MAP4K1: variants seen among roughly 807,000 people sequenced by gnomAD.
MAP4K1 encodes the protein mitogen-activated protein kinase kinase kinase kinase 1, also known as MAPK/ERK kinase kinase kinase 1.
In MAP4K1, 35 loss-of-function variants were observed where a neutral mutation model predicts 122.8. The ratio of observed to expected loss-of-function variants is 0.29; its 90% confidence interval spans 0.22 to 0.38. The LOEUF (loss-of-function observed/expected upper bound fraction) is 0.38, where lower values mean the gene tolerates loss of function less well. Among genes scored for constraint, MAP4K1 ranks in the 10% least tolerant of loss-of-function variants. MAP4K1 has a pLI of 1.00. For missense variants in MAP4K1, 791 were observed against 1,072.6 expected (o/e 0.74, Z 3.67); for synonymous variants, 412 against 421.3 (o/e 0.98, Z 0.27).
chr19:38,596,017 G>A lies in MAP4K1; in HGVS notation c.2117-16C>T. 6.2e-7 allele frequency: 1 copy of A among 1,613,122 alleles called. No homozygotes were observed. The highest frequency in any genetic ancestry group is 8.5e-7 in the Non-Finnish European group (1 of 1,179,362). ...CCCCTGTGCTCTGTTTGGGGGGAGT[G>A]GGTTAAGGATTGACCCCACCCCATT... On this transcript the variant is annotated splice_polypyrimidine_tract_variant and intron_variant, in intron 26 of 30. Transcript: ENST00000396857.
In MAP4K1 at chr19:38,593,928, A is replaced by G. The variant is rs77270842; in HGVS notation, c.2341-591T>C. Among the ~76,000 whole-genome samples, 1,226 of 152,300 alleles carry G rather than the reference A, an allele frequency of 8.0e-3. 32 individuals carry two copies. The highest frequency in any genetic ancestry group is 0.06 in the East Asian group (309 of 5,178). On this transcript the variant is annotated intron_variant, in intron 29 of 30. Transcript: ENST00000396857. Reference sequence around the variant, plus strand: ...TGAGCAAAAATAAATAAATAAAAATACTAAAGTGTAAGGGCAAAGTCTGAC... The same window carrying G: ...TGAGCAAAAATAAATAAATAAAAATGCTAAAGTGTAAGGGCAAAGTCTGAC...
chr19:38,601,340 C>T, intron 20 of MAP4K1, 101 bp downstream of exon 20: 1 of 1,061,888 alleles, frequency 9.4e-7, no homozygotes, highest in Non-Finnish European at 1.4e-6. Context: ...CCATTAAGCT[C>T]CTCCCCGTCC....
chr19:38,605,782 G>C (rs1194338220), intron 17 of MAP4K1, 52 bp from the exon 18 acceptor site: 3 of 1,554,728 alleles, frequency 1.9e-6, no homozygotes, highest in Non-Finnish European at 2.6e-6. Context: ...ATCTCAGAGA[G>C]GGCACCCTTT....
chr19:38,614,271 G>C lies in MAP4K1; in HGVS notation c.391C>G (p.Gln131Glu). Residue 131 changes from glutamine to glutamate, a missense_variant, in exon 6 of 31, where the codon CAG (glutamine) becomes GAG (glutamate). Gln to Glu is a conservative substitution (Grantham distance 29). This residue lies in a region of MAP4K1 where 163 missense variants were observed against 286.1 expected (regional missense o/e 0.57). Coordinates refer to ENST00000396857, the MANE Select transcript of MAP4K1 (RefSeq NM_001042600.3). ...VLQGLAYLHSQKKIHRDIKGA... is the reference protein window; with the variant it reads ...VLQGLAYLHSEKKIHRDIKGA... Reference sequence around the variant, plus strand: ...TTGATGTCCCTGTGTATCTTCTTCTGTGAGTGCAAATAGGCCAGTCCCTGG... The same window carrying C: ...TTGATGTCCCTGTGTATCTTCTTCTCTGAGTGCAAATAGGCCAGTCCCTGG... The C allele has an allele frequency of 6.2e-7, 1 of 1,614,020 alleles. No individual in the cohort carries two copies. The highest frequency in any genetic ancestry group is 8.5e-7 in the Non-Finnish European group (1 of 1,179,992).
chr19:38,598,201 T>G (rs1476328141), intron 22 of MAP4K1, among the ~76,000 whole-genome samples: 2 of 151,920 alleles, frequency 1.3e-5, no homozygotes, highest in Non-Finnish European at 2.9e-5. Flanking sequence ...TGGATAATTT[T>G]TGTATTTTTA....
intron 19 of MAP4K1, among the ~76,000 whole-genome samples, chr19:38,602,891 C>T (rs1975152306): frequency 6.8e-6 from 1 of 148,036 alleles, no homozygotes; most frequent in Non-Finnish European, 1.5e-5. Flanking sequence ...CTTATATACA[C>T]ATGTACATAT....
intron 19 of MAP4K1, among the ~76,000 whole-genome samples, chr19:38,603,971 G>A (rs138635186): frequency 0.065 from 9,589 of 147,640 alleles, 374 homozygotes; most frequent in South Asian, 0.14. Flanking sequence ...GCGACAGAGT[G>A]AGACTCCATC....
At chr19:38,590,235 G>A (rs1159605302) in intron 30 of MAP4K1, among the ~76,000 whole-genome samples, 1 of 150,608 alleles carries the variant, frequency 6.6e-6, no homozygotes, top group Non-Finnish European at 1.5e-5. Context: ...ACACAGTTAA[G>A]GGACATTTTA....
rs542873062 is a variant in MAP4K1 at position 38,589,252 on chromosome 19, G to A, written c.2397-1435C>T. 1.1e-4 allele frequency: 23 copies of A among 207,854 alleles called. 1 individual carries two copies. The East Asian group carries it at 1.5e-3, about 13-fold the overall frequency. 12.9% of individuals were successfully genotyped at this position (207,854 alleles called of 1,614,324 possible). A position where few individuals can be genotyped will look rare whatever the true frequency, so the allele number is the denominator to read the frequency against. ...TGGGAGGAGGAGGTTGCAGTGAGGCGAGATCGTGCCACTGCACTCCAGCCT... is the reference window on the plus strand; with the variant it reads ...TGGGAGGAGGAGGTTGCAGTGAGGCAAGATCGTGCCACTGCACTCCAGCCT... On this transcript the variant is annotated intron_variant, in intron 30 of 30. Transcript: ENST00000396857.
chr19:38,606,090 G>T, intron 17 of MAP4K1, 83 bp downstream of exon 17: 1 of 1,120,850 alleles, frequency 8.9e-7, no homozygotes, highest in Non-Finnish European at 1.3e-6. Flanking sequence ...GGAGAGCCCA[G>T]TATCCCAGCA....
At chr19:38,590,924 G>A (rs188166358) in intron 30 of MAP4K1, among the ~76,000 whole-genome samples, 1 of 151,840 alleles carries the variant, frequency 6.6e-6, no homozygotes, top group African/African-American at 2.4e-5. Flanking sequence ...GGGTAAATGG[G>A]CATCACGTCT....
In MAP4K1 at chr19:38,598,571, G is replaced by A. The variant is rs992321248; in HGVS notation, c.1670-977C>T. ...GATCTAGAACTCCTGGGCTCAAGCA[G>A]TACTACTGCCTTGGCCTCTCAAAGT... On this transcript the variant is annotated intron_variant, in intron 22 of 30. Coordinates refer to ENST00000396857, the MANE Select transcript of MAP4K1 (RefSeq NM_001042600.3). Among the ~76,000 whole-genome samples the A allele has an allele frequency of 2.6e-5, 4 of 152,184 alleles. No individual in the cohort carries two copies. The East Asian group carries it at 7.7e-4, about 29-fold the overall frequency.
intron 30 of MAP4K1, 108 bp downstream of exon 30, chr19:38,593,174 G>A (rs1398284179): frequency 9.7e-7 from 1 of 1,034,152 alleles, no homozygotes; most frequent in African/African-American, 1.6e-5. Context: ...GGGTGACCAG[G>A]TGAGACACTG....
chr19:38,598,187 T>C (rs891545774), intron 22 of MAP4K1, among the ~76,000 whole-genome samples: 1 of 150,904 alleles, frequency 6.6e-6, no homozygotes, highest in Non-Finnish European at 1.5e-5. Context: ...TGCGCCACCA[T>C]GCCTGGATAA....
In MAP4K1 at chr19:38,596,007, T is replaced by A. The variant is rs747666192; in HGVS notation, c.2117-6A>T. On this transcript the variant is annotated splice_region_variant and splice_polypyrimidine_tract_variant and intron_variant, in intron 26 of 30. Transcript: ENST00000396857. Reference sequence around the variant, plus strand: ...CTGCACGGGTCCCCTGTGCTCTGTTTGGGGGGAGTGGGTTAAGGATTGACC... The same window carrying A: ...CTGCACGGGTCCCCTGTGCTCTGTTAGGGGGGAGTGGGTTAAGGATTGACC... 1.2e-6 allele frequency: 2 copies of A among 1,613,504 alleles called. No individual in the cohort carries two copies. The highest frequency in any genetic ancestry group is 1.3e-5 in the African/African-American group (1 of 74,708).
At chr19:38,593,193 A>C in intron 30 of MAP4K1, 89 bp downstream of exon 30, 704 of 1,230,056 alleles carry the variant, frequency 5.7e-4, no homozygotes, top group Non-Finnish European at 7.5e-4. Flanking sequence ...TGTCCAGGCT[A>C]GAGATACCTT....
At chr19:38,614,491 G>A in intron 4 of MAP4K1, 46 bp from the exon 5 acceptor site, 1 of 1,611,562 alleles carries the variant, frequency 6.2e-7, no homozygotes, top group Non-Finnish European at 8.5e-7. Flanking sequence ...TGGGAGCCAG[G>A]GAACCTGGGC....
At chr19:38,596,083 C>G in intron 26 of MAP4K1, 82 bp from the exon 27 acceptor site, 1 of 1,439,120 alleles carries the variant, frequency 6.9e-7, no homozygotes, top group Non-Finnish European at 9.8e-7. Flanking sequence ...AGTACCTGTG[C>G]TTTAGCCACC....
intron 30 of MAP4K1, among the ~76,000 whole-genome samples, chr19:38,590,626 CA>C (rs1974701127): frequency 6.6e-6 from 1 of 151,236 alleles, no homozygotes; most frequent in African/African-American, 2.4e-5. Context: ...AGGCACGTGC[CA>C]CCACACCCAG....
Sources: gnomAD v4.1 joint callset for allele counts (sites outside exome capture counted in the v4.1 genomes callset) on GRCh38, gnomAD v4.1.1 for gene constraint, gnomAD v4.1.1 regional missense constraint, MANE v1.5 for transcripts, NCBI Gene and HGNC (gene_info 2026-07-23, HGNC 2026-07-21) for gene names.